The following RLBP1 variants were observed in gnomAD, a reference collection of about 807,000 sequenced individuals.
RLBP1 encodes retinaldehyde binding protein 1.
Under a neutral mutation model 36.2 loss-of-function variants are expected in RLBP1, and 26 were observed. The observed-to-expected ratio is 0.72, with a 90% CI of 0.53 to 1.00. The LOEUF (loss-of-function observed/expected upper bound fraction) is 1.00. Among genes scored for constraint, RLBP1 ranks in the 50% least tolerant of loss-of-function variants. RLBP1 has a pLI of 0.00. For missense variants in RLBP1, 410 were observed against 402.4 expected (o/e 1.02, Z -0.16); for synonymous variants, 155 against 156.2 (o/e 0.99, Z 0.06).
At position 89,210,447 on chromosome 15, in the gene RLBP1, C is replaced by T; in HGVS notation, c.796-4G>A. ...GGTCATCCCCGTGGACAAAGACCTGCAGGGAAGCAAGGGAGACAGAACTGA... is the reference window on the plus strand; with the variant it reads ...GGTCATCCCCGTGGACAAAGACCTGTAGGGAAGCAAGGGAGACAGAACTGA... On this transcript the variant is annotated splice_polypyrimidine_tract_variant and splice_region_variant and intron_variant, in intron 8 of 8. Coordinates refer to ENST00000268125, the MANE Select transcript of RLBP1 (RefSeq NM_000326.5). This position sits in a 1 kb window ranked among gnomAD's most constrained non-coding sequence, Gnocchi z 4.7. 1 of 1,614,090 alleles carries T rather than the reference C, an allele frequency of 6.2e-7. No individual in the cohort carries two copies. The highest frequency in any genetic ancestry group is 8.5e-7 in the Non-Finnish European group (1 of 1,180,012).
chr15:89,210,557 C>G lies in RLBP1; in HGVS notation c.796-114G>C, dbSNP rs11856013. The G allele has an allele frequency of 2.3e-6, 3 of 1,315,960 alleles. No individual in the cohort carries two copies. Among genetic ancestry groups the G allele is most frequent in the Non-Finnish European group, 3.3e-6 (3 of 921,850 alleles). 81.5% of individuals were successfully genotyped at this position (1,315,960 alleles called of 1,614,324 possible). ...CCCATCATGTGCAGTCTTTGCCTGG[C>G]GACACCTCTCTCCGCAGGTCTCCAT... On this transcript the variant is annotated intron_variant, in intron 8 of 8. Transcript: ENST00000268125. The surrounding 1 kb of genome is among the most constrained non-coding windows in gnomAD (Gnocchi z 4.7).
At position 89,211,593 on chromosome 15, in the gene RLBP1, T is replaced by A. The variant is rs2051538457; in HGVS notation, c.684+150A>T. 6 of 704,780 alleles carry A rather than the reference T, an allele frequency of 8.5e-6. No individual in the cohort carries two copies. In the Admixed American group the frequency reaches 1.6e-4, roughly 19 times the overall value. 43.7% of individuals were successfully genotyped at this position (704,780 alleles called of 1,614,324 possible). ...GGCAAACTGTCAATCACTATGCAGG[T>A]GCTTATGGTTGGGACTGTGGCTGTC... On this transcript the variant is annotated intron_variant, in intron 7 of 8. Transcript: ENST00000268125. The surrounding 1 kb of genome is among the most constrained non-coding windows in gnomAD (Gnocchi z 5.8).
intron 4 of RLBP1, among the ~76,000 whole-genome samples, chr15:89,217,952 G>A (rs992069286): frequency 3.9e-5 from 6 of 152,210 alleles, no homozygotes; most frequent in Non-Finnish European, 7.3e-5. Flanking sequence ...AGGGAAAGGA[G>A]GGGGAGTAAA....
At chr15:89,212,760 G>A (rs1567122393) in intron 6 of RLBP1, among the ~76,000 whole-genome samples, 1 of 150,884 alleles carries the variant, frequency 6.6e-6, no homozygotes, top group South Asian at 2.1e-4. Flanking sequence ...ATGGAGTCTT[G>A]CTCTGTCACC....
chr15:89,216,458 G>C (rs1203469459), intron 5 of RLBP1, among the ~76,000 whole-genome samples: 2 of 152,246 alleles, frequency 1.3e-5, no homozygotes, highest in Non-Finnish European at 2.9e-5. Context: ...CAGTAGCTGA[G>C]ATTACAGGCA....
intron 1 of RLBP1, 79 bp from the exon 2 acceptor site, chr15:89,219,938 T>C (rs940488160): frequency 3.9e-5 from 6 of 152,246 alleles, no homozygotes; most frequent in African/African-American, 1.4e-4. Context: ...GTCCCATTCA[T>C]GGCCCACATG....
intron 1 of RLBP1, among the ~76,000 whole-genome samples, chr15:89,220,751 G>A (rs2051619969): frequency 6.6e-6 from 1 of 152,182 alleles, no homozygotes; most frequent in South Asian, 2.1e-4. Flanking sequence ...CCAGGCAAGA[G>A]GGACAGTGGC....
In RLBP1 at chr15:89,217,196, C is replaced by T. The variant is rs2051588216; in HGVS notation, c.270G>A (p.Glu90=). The T allele has an allele frequency of 1.9e-6, 3 of 1,613,860 alleles. No individual in the cohort carries two copies. The highest frequency in any genetic ancestry group is 2.5e-6 in the Non-Finnish European group (3 of 1,180,032). Residue 90 remains glutamate (E), a synonymous_variant, in exon 5 of 9, where the codon GAG becomes GAA. Coordinates refer to ENST00000268125, the MANE Select transcript of RLBP1 (RefSeq NM_000326.5). The part of the protein sequence containing the change: ...LAVAVAERVQ[E]KDSGFFLRFI... Reference sequence around the variant, plus strand: ...AGCGCAGGAAGAAGCCGCTGTCCTTCTCTTGCACCCTCTCCGCCACGGCCA... The same window carrying T: ...AGCGCAGGAAGAAGCCGCTGTCCTTTTCTTGCACCCTCTCCGCCACGGCCA...
chr15:89,218,469 C>A lies in RLBP1; in HGVS notation c.141+96G>T. On this transcript the variant is annotated intron_variant, in intron 4 of 8. Coordinates refer to ENST00000268125, the MANE Select transcript of RLBP1 (RefSeq NM_000326.5). This position sits in a 1 kb window ranked among gnomAD's most constrained non-coding sequence, Gnocchi z 4.6. Reference sequence around the variant, plus strand: ...TCAGGTCCAGGATGATCTGGAGTGCCGAGGCTGGACCCTTTTCACAGGAGA... The same window carrying A: ...TCAGGTCCAGGATGATCTGGAGTGCAGAGGCTGGACCCTTTTCACAGGAGA... 1.3e-6 allele frequency: 2 copies of A among 1,570,590 alleles called. No individual in the cohort carries two copies. The highest frequency in any genetic ancestry group is 2.2e-5 in the South Asian group (2 of 89,406).
Position 89,214,626 on chromosome 15 carries a change from AC to A in RLBP1, c.525+433del, listed in dbSNP as rs753397855. ...GGCTCAGACAAGCAAAATTGCGTAC[AC>A]AATTTTGCGAGCACAAAGAACTCGG... On this transcript the variant is annotated intron_variant, in intron 6 of 8. Transcript: ENST00000268125. The surrounding 1 kb of genome is among the most constrained non-coding windows in gnomAD (Gnocchi z 4.6). Among the ~76,000 whole-genome samples the A allele has an allele frequency of 0.48, 72,454 of 151,856 alleles. 18,486 individuals are homozygous for A. Among genetic ancestry groups the A allele is most frequent in the East Asian group, 0.67 (3,467 of 5,148 alleles).
Position 89,218,424 on chromosome 15 carries a change from C to T in RLBP1, c.141+141G>A. On this transcript the variant is annotated intron_variant, in intron 4 of 8. Transcript: ENST00000268125. This position sits in a 1 kb window ranked among gnomAD's most constrained non-coding sequence, Gnocchi z 4.6. ...CCATAGCCGTGACCACCAGGAAGGA[C>T]CTTAGAACCGGCCAGTCTATCAGGT... The T allele has an allele frequency of 7.7e-7, 1 of 1,304,648 alleles. No homozygotes were observed. The allele number at this position is 1,304,648 out of a possible 1,614,324, so 80.8% of individuals were successfully genotyped here.
At position 89,211,498 on chromosome 15, in the gene RLBP1, G is replaced by T. The variant is rs955994014; in HGVS notation, c.684+245C>A. 6.6e-6 allele frequency among the ~76,000 whole-genome samples: 1 copy of T among 152,176 alleles called. No individual in the cohort carries two copies. Among genetic ancestry groups the T allele is most frequent in the Admixed American group, 6.5e-5 (1 of 15,268 alleles). On this transcript the variant is annotated intron_variant, in intron 7 of 8. Transcript: ENST00000268125. This position sits in a 1 kb window ranked among gnomAD's most constrained non-coding sequence, Gnocchi z 5.8. ...TCTCTGAGCCTTCGTTTCCAGGTTTGAAAAATGAAGCAGGGAAGGAGGGAG... is the reference window on the plus strand; with the variant it reads ...TCTCTGAGCCTTCGTTTCCAGGTTTTAAAAATGAAGCAGGGAAGGAGGGAG...
rs1265805836 is a variant in RLBP1 at position 89,210,966 on chromosome 15, C to CA, written c.685-158dup. On this transcript the variant is annotated intron_variant, in intron 7 of 8. Coordinates refer to ENST00000268125, the MANE Select transcript of RLBP1 (RefSeq NM_000326.5). The surrounding 1 kb of genome is among the most constrained non-coding windows in gnomAD (Gnocchi z 4.7). ...CCCACTGAAGGTCCTATTTCCAGGC[C>CA]AGCAACTAGGGATCCCTGGCTCACT... Among the ~76,000 whole-genome samples the CA allele has an allele frequency of 1.3e-5, 2 of 152,170 alleles. No homozygotes were observed. Among genetic ancestry groups the CA allele is most frequent in the Non-Finnish European group, 2.9e-5 (2 of 68,028 alleles).
rs577841883 is a variant in RLBP1 at position 89,214,948 on chromosome 15, C to T, written c.525+112G>A. On this transcript the variant is annotated intron_variant, in intron 6 of 8. Coordinates refer to ENST00000268125, the MANE Select transcript of RLBP1 (RefSeq NM_000326.5). This position sits in a 1 kb window ranked among gnomAD's most constrained non-coding sequence, Gnocchi z 4.6. ...GGTGGCAGGTGGCTGCCCACCTTTC[C>T]CCCTCTACAGACCTTGCCTCCTGGA... 5 of 1,159,902 alleles carry T rather than the reference C, an allele frequency of 4.3e-6. No homozygotes were observed. In the South Asian group the frequency reaches 6.2e-5, roughly 14 times the overall value. The allele number at this position is 1,159,902 out of a possible 1,614,324, so 71.9% of individuals were successfully genotyped here. A position where few individuals can be genotyped will look rare whatever the true frequency, so the allele number is the denominator to read the frequency against.
Position 89,210,642 on chromosome 15 carries a change from G to A in RLBP1, c.795+57C>T. ...CATGGTAGAGTGTGAGGAGGGCTCA[G>A]GTGAGGCCCCACCCTCAGCCCTCTT... On this transcript the variant is annotated intron_variant, in intron 8 of 8. Transcript: ENST00000268125. The surrounding 1 kb of genome is among the most constrained non-coding windows in gnomAD (Gnocchi z 4.7). The A allele has an allele frequency of 2.9e-6, 4 of 1,358,290 alleles. No individual in the cohort carries two copies. Among genetic ancestry groups the A allele is most frequent in the Non-Finnish European group, 4.1e-6 (4 of 968,386 alleles). 84.1% of individuals were successfully genotyped at this position (1,358,290 alleles called of 1,614,324 possible).
chr15:89,217,441 G>A, intron 4 of RLBP1, 117 bp from the exon 5 acceptor site: 1 of 1,024,766 alleles, frequency 9.8e-7, no homozygotes, highest in South Asian at 1.3e-5. Context: ...GGGGTCTGCA[G>A]CCGCAGCTTT....
At position 89,210,194 on chromosome 15, in the gene RLBP1, A is replaced by G. The variant is rs2051524780; in HGVS notation, c.*91T>C. On this transcript the variant is annotated 3_prime_UTR_variant, in exon 9 of 9. Coordinates refer to ENST00000268125, the MANE Select transcript of RLBP1 (RefSeq NM_000326.5). The surrounding 1 kb of genome is among the most constrained non-coding windows in gnomAD (Gnocchi z 4.7). ...GGGAGTCTAAGGGGGGACCACAGTC[A>G]TCTCAAGCAGCCCTTTCCTAGCCTT... 1 of 1,487,782 alleles carries G rather than the reference A, an allele frequency of 6.7e-7. No homozygotes were observed. Among genetic ancestry groups the G allele is most frequent in the Admixed American group, 1.7e-5 (1 of 59,844 alleles). The allele number at this position is 1,487,782 out of a possible 1,614,324, so 92.2% of individuals were successfully genotyped here.
chr15:89,218,497 G>A lies in RLBP1; in HGVS notation c.141+68C>T. On this transcript the variant is annotated intron_variant, in intron 4 of 8. Transcript: ENST00000268125. This position sits in a 1 kb window ranked among gnomAD's most constrained non-coding sequence, Gnocchi z 4.6. ...GGCTGGACCCTTTTCACAGGAGAGA[G>A]AATGCAGTCATGTTCCCCTCATGTT... 1 of 1,606,596 alleles carries A rather than the reference G, an allele frequency of 6.2e-7. No homozygotes were observed. Among genetic ancestry groups the A allele is most frequent in the Non-Finnish European group, 8.5e-7 (1 of 1,174,474 alleles).
At position 89,218,106 on chromosome 15, in the gene RLBP1, G is replaced by T. The variant is rs2051597136; in HGVS notation, c.141+459C>A. On this transcript the variant is annotated intron_variant, in intron 4 of 8. Coordinates refer to ENST00000268125, the MANE Select transcript of RLBP1 (RefSeq NM_000326.5). This position sits in a 1 kb window ranked among gnomAD's most constrained non-coding sequence, Gnocchi z 4.6. ...TGTCAGCCTCCACAGAGCACAATCT[G>T]ATCACCTCTGAGCTAGTCCACCAAC... Among the ~76,000 whole-genome samples, 1 of 152,158 alleles carries T rather than the reference G, an allele frequency of 6.6e-6. No individual in the cohort carries two copies. Among genetic ancestry groups the T allele is most frequent in the South Asian group, 2.1e-4 (1 of 4,826 alleles).
Sources: gnomAD v4.1 joint callset for allele counts (sites outside exome capture counted in the v4.1 genomes callset) on GRCh38, gnomAD v4.1.1 for gene constraint, Gnocchi (gnomAD v3.1) non-coding constraint, MANE v1.5 for transcripts, NCBI Gene and HGNC (gene_info 2026-07-23, HGNC 2026-07-21) for gene names.